The following DACH1 variants were observed in gnomAD, a reference collection of about 807,000 sequenced individuals.
DACH1 encodes the protein dachshund family transcription factor 1.
A neutral mutation model predicts 54.2 loss-of-function variants in DACH1; 12 were observed. The observed-to-expected ratio is 0.22, with a 90% CI of 0.14 to 0.36. The LOEUF is 0.36. Among genes scored for constraint, DACH1 ranks in the 10% least tolerant of loss-of-function variants. DACH1 has a pLI of 1.00. For missense variants in DACH1, 805 were observed against 929.8 expected, an observed-to-expected ratio of 0.87 and a Z score of 1.75; for synonymous variants, 386 against 366.2, an observed-to-expected ratio of 1.05 and a Z score of -0.62.
intron 1 of DACH1, among the ~76,000 whole-genome samples, chr13:71,856,674 C>T (rs114561483): frequency 1.3e-5 from 2 of 151,940 alleles, no homozygotes; most frequent in African/African-American, 4.8e-5. Flanking sequence ...TAAGTCATCA[C>T]TGTTTTATAA....
chr13:71,602,881 T>C (rs1439002972), intron 3 of DACH1, among the ~76,000 whole-genome samples: 1 of 151,916 alleles, frequency 6.6e-6, no homozygotes, highest in African/African-American at 2.4e-5. Flanking sequence ...GAAATGGAGA[T>C]CATATGCTGT....
intron 1 of DACH1, among the ~76,000 whole-genome samples, chr13:71,707,594 G>A (rs540302772): frequency 5.9e-5 from 9 of 152,274 alleles, no homozygotes; most frequent in Admixed American, 2.0e-4. Context: ...TTGTTTAGAC[G>A]TAATAATTAG....
At chr13:71,743,064 A>G (rs1166401532) in intron 1 of DACH1, among the ~76,000 whole-genome samples, 1 of 152,194 alleles carries the variant, frequency 6.6e-6, no homozygotes, top group Non-Finnish European at 1.5e-5. Context: ...TATGATGGAC[A>G]TAGTAGAATG....
At chr13:71,584,014 C>G (rs1343475605) in intron 3 of DACH1, among the ~76,000 whole-genome samples, 2 of 151,994 alleles carry the variant, frequency 1.3e-5, no homozygotes, top group Non-Finnish European at 2.9e-5. Context: ...TGCACACTTC[C>G]TACTTTTTGC....
intron 10 of DACH1, among the ~76,000 whole-genome samples, chr13:71,453,752 G>A (rs754752727): frequency 1.3e-5 from 2 of 152,126 alleles, no homozygotes; most frequent in Non-Finnish European, 2.9e-5. Context: ...TTTACAAAAA[G>A]CTGAGCTGAG....
At chr13:71,704,426 T>G in intron 1 of DACH1, 1 of 386,682 alleles carries the variant, frequency 2.6e-6, no homozygotes, top group South Asian at 2.4e-5. Context: ...GGCAAGCTTC[T>G]TGCAAAGAGA....
chr13:71,616,942 C>T (rs1325092629), intron 3 of DACH1, among the ~76,000 whole-genome samples: 1 of 148,126 alleles, frequency 6.8e-6, no homozygotes, highest in African/African-American at 2.5e-5. Context: ...AGTGCAATGG[C>T]GCGATCTTGG....
chr13:71,559,897 C>A lies in DACH1; in HGVS notation c.1358G>T (p.Gly453Val). The change falls in exon 5 of 11, where the codon GGC becomes GTC. Residue 453 changes from glycine to valine, a missense_variant. By Grantham distance (109) the Gly-to-Val change is moderately radical. Around this residue, in one of 3 missense-constraint regions of DACH1, gnomAD observed 472 missense variants for 545.3 expected, o/e 0.87. Transcript: ENST00000613252. ...APSLEEGRRP[G>V]SHPSSHRSSS... The stretch of plus-strand genomic sequence containing the variant: ...GCTGCGATGTGATGATGGGTGACTG[C>A]CAGGCCTTCTCCCCTCCTCCAGAGA... 6.2e-7 allele frequency: 1 copy of A among 1,610,082 alleles called. No homozygotes were observed.
chr13:71,719,903 C>G (rs1036348426), intron 1 of DACH1, among the ~76,000 whole-genome samples: 3 of 151,954 alleles, frequency 2.0e-5, no homozygotes, highest in African/African-American at 7.2e-5. Context: ...CCCCAGGAAG[C>G]CTTATTGAAA....
intron 1 of DACH1, among the ~76,000 whole-genome samples, chr13:71,743,048 C>G (rs982413035): frequency 6.6e-6 from 1 of 152,068 alleles, no homozygotes; most frequent in Non-Finnish European, 1.5e-5. Context: ...GGTATTTACA[C>G]AGTGATATGA....
chr13:71,756,142 T>A (rs938477486), intron 1 of DACH1, among the ~76,000 whole-genome samples: 1 of 152,140 alleles, frequency 6.6e-6, no homozygotes, highest in African/African-American at 2.4e-5. Flanking sequence ...GCAATTCTCC[T>A]GCCTCAGTCT....
intron 1 of DACH1, among the ~76,000 whole-genome samples, chr13:71,794,792 C>T (rs1415944470): frequency 6.6e-6 from 1 of 152,164 alleles, no homozygotes; most frequent in Non-Finnish European, 1.5e-5. Context: ...TAATTTTTAA[C>T]CCTCGAATTG....
intron 3 of DACH1, among the ~76,000 whole-genome samples, chr13:71,628,097 A>C (rs1314544287): frequency 4.6e-5 from 7 of 152,078 alleles, no homozygotes; most frequent in African/African-American, 7.2e-5. Context: ...GGGCTCAGAA[A>C]GTTTACATAC....
chr13:71,814,293 A>G (rs1371288288), intron 1 of DACH1, among the ~76,000 whole-genome samples: 2 of 152,208 alleles, frequency 1.3e-5, no homozygotes, highest in Non-Finnish European at 2.9e-5. Flanking sequence ...AACCAACCCA[A>G]CCTATAAGAA....
intron 1 of DACH1, among the ~76,000 whole-genome samples, chr13:71,695,893 A>C (rs1881806405): frequency 6.6e-6 from 1 of 152,160 alleles, no homozygotes; most frequent in South Asian, 2.1e-4. Context: ...GCAAATATTG[A>C]GTGTTTAAAA....
chr13:71,713,825 A>C (rs1882844507), intron 1 of DACH1, among the ~76,000 whole-genome samples: 1 of 152,106 alleles, frequency 6.6e-6, no homozygotes, highest in Non-Finnish European at 1.5e-5. Flanking sequence ...AAAATTTTAA[A>C]AGAGAATGAT....
At position 71,614,697 on chromosome 13, in the gene DACH1, TA is replaced by T. The variant is rs888112935; in HGVS notation, c.1126+15858del. The stretch of plus-strand genomic sequence containing the variant: ...AGTGAGACTCCATCTCTACAAAAAA[TA>T]AAAACATTAGCCAGGTGTGATGGTG... On this transcript the variant is annotated intron_variant, in intron 3 of 10. Transcript: ENST00000613252. Among the ~76,000 whole-genome samples the T allele has an allele frequency of 5.3e-5, 8 of 151,882 alleles. No individual in the cohort carries two copies. The East Asian group carries it at 9.7e-4, about 18-fold the overall frequency.
chr13:71,799,715 C>T (rs1477807495), intron 1 of DACH1, among the ~76,000 whole-genome samples: 1 of 152,018 alleles, frequency 6.6e-6, no homozygotes. Flanking sequence ...TTGCAAATTG[C>T]CAAAATTTGA....
chr13:71,723,087 C>G (rs1192555072), intron 1 of DACH1, among the ~76,000 whole-genome samples: 2 of 152,004 alleles, frequency 1.3e-5, no homozygotes, highest in East Asian at 3.9e-4. Context: ...TTTCTCTATC[C>G]TAAATAAAAT....
Sources: allele counts gnomAD v4.1 joint callset (sites outside exome capture counted in the v4.1 genomes callset), GRCh38; gene constraint gnomAD v4.1.1; regional missense constraint gnomAD v4.1.1; transcripts MANE v1.5; gene names NCBI Gene and HGNC (gene_info 2026-07-23, HGNC 2026-07-21).